Variants in RBFOX1 observed in about 807,000 individuals in gnomAD.
RBFOX1 encodes RNA binding protein fox-1 homolog 1.
In RBFOX1, 8 loss-of-function variants were observed where a neutral mutation model predicts 57.7. That is an observed-to-expected ratio of 0.14 (90% CI 0.08 to 0.25). The LOEUF is 0.25. Ranked by LOEUF, RBFOX1 falls within the 10% of genes least tolerant of loss-of-function variation. The pLI is 1.00. For synonymous variants in RBFOX1, 326 were observed against 222.4 expected, an observed-to-expected ratio of 1.47 and a Z score of -4.15; for missense variants, 611 against 548.5, an observed-to-expected ratio of 1.11 and a Z score of -1.14.
At chr16:5,777,837 T>C (rs182245972) in intron 3 of RBFOX1, among the ~76,000 whole-genome samples, 8 of 152,278 alleles carry the variant, frequency 5.3e-5, no homozygotes, top group African/African-American at 1.4e-4. Flanking sequence ...AATATGCCCT[T>C]GGTGAGAGAA....
intron 2 of RBFOX1, among the ~76,000 whole-genome samples, chr16:5,595,598 C>G (rs1026252011): frequency 1.3e-5 from 2 of 152,158 alleles, no homozygotes; most frequent in African/African-American, 4.8e-5. Flanking sequence ...CTGAATGGAT[C>G]AGGCCAGCTC....
At chr16:6,662,411 C>T (rs953451232) in intron 3 of RBFOX1, among the ~76,000 whole-genome samples, 4 of 151,912 alleles carry the variant, frequency 2.6e-5, no homozygotes, top group African/African-American at 9.7e-5. Context: ...TTTTGTTTTT[C>T]AGTTTTATCT....
intron 3 of RBFOX1, among the ~76,000 whole-genome samples, chr16:6,981,110 ACT>A (rs1291060499): frequency 6.0e-5 from 9 of 150,914 alleles, no homozygotes; most frequent in Admixed American, 4.6e-4. Flanking sequence ...AATTAAGTAA[ACT>A]CTTTTTTTAT....
chr16:6,651,492 C>T (rs10083739), intron 2 of RBFOX1, among the ~76,000 whole-genome samples: 3,324 of 152,144 alleles, frequency 0.022, 125 homozygotes, highest in African/African-American at 0.076. Context: ...CCCTGACTGC[C>T]GGTTCTGTTA....
At chr16:5,609,641 C>G (rs1047926554) in intron 3 of RBFOX1, among the ~76,000 whole-genome samples, 3 of 152,236 alleles carry the variant, frequency 2.0e-5, no homozygotes, top group Non-Finnish European at 4.4e-5. Flanking sequence ...CATCCAAACC[C>G]TCATGTACAA....
intron 3 of RBFOX1, among the ~76,000 whole-genome samples, chr16:5,646,378 G>C (rs1442865480): frequency 6.6e-6 from 1 of 151,900 alleles, no homozygotes; most frequent in Admixed American, 6.6e-5. Context: ...GACTAAAGCA[G>C]TCCTCCTACC....
chr16:6,885,094 C>T (rs1481119037), intron 3 of RBFOX1, among the ~76,000 whole-genome samples: 1 of 152,124 alleles, frequency 6.6e-6, no homozygotes, highest in African/African-American at 2.4e-5. Flanking sequence ...ACAGATCAAA[C>T]CAGGACTGCT....
intron 2 of RBFOX1, among the ~76,000 whole-genome samples, chr16:6,403,435 C>G (rs1009920929): frequency 2.6e-5 from 4 of 151,984 alleles, no homozygotes; most frequent in Admixed American, 2.6e-4. Flanking sequence ...GTGACCACCA[C>G]TCATTGCAGC....
intron 3 of RBFOX1, among the ~76,000 whole-genome samples, chr16:7,008,110 T>A (rs958962897): frequency 1.2e-4 from 19 of 152,184 alleles, no homozygotes; most frequent in African/African-American, 4.3e-4. Flanking sequence ...CTTTATTGTT[T>A]CATGTACAAG....
chr16:5,432,559 G>GTTTTTTTTTTTTTTTTTTTTTTTTTT (rs35344614), intron 1 of RBFOX1, among the ~76,000 whole-genome samples: 1 of 94,222 alleles, frequency 1.1e-5, no homozygotes, highest in Non-Finnish European at 2.0e-5. Flanking sequence ...TTGTTTGTTT[G>GTTTTTTTTTTTTTTTTTTTTTTTTTT]TTTTTTTTTT....
intron 4 of RBFOX1, among the ~76,000 whole-genome samples, chr16:7,425,439 T>C (rs557107223): frequency 2.0e-5 from 3 of 152,324 alleles, no homozygotes; most frequent in South Asian, 4.1e-4. Flanking sequence ...CTGTTCCTAC[T>C]TGAGAAATTT....
intron 3 of RBFOX1, among the ~76,000 whole-genome samples, chr16:6,919,303 C>A (rs1247383197): frequency 3.3e-5 from 5 of 152,094 alleles, no homozygotes; most frequent in African/African-American, 1.2e-4. Flanking sequence ...GGTAATGTTT[C>A]TTGACCAATT....
chr16:6,689,007 T>C (rs956811812), intron 3 of RBFOX1, among the ~76,000 whole-genome samples: 1 of 152,238 alleles, frequency 6.6e-6, no homozygotes, highest in African/African-American at 2.4e-5. Context: ...ATGGTTTATA[T>C]GTGCTGCATT....
intron 1 of RBFOX1, among the ~76,000 whole-genome samples, chr16:6,117,980 G>A (rs2096515365): frequency 6.6e-6 from 1 of 152,176 alleles, no homozygotes; most frequent in Non-Finnish European, 1.5e-5. Flanking sequence ...ATGGACATCT[G>A]TAACTTTTGA....
intron 1 of RBFOX1, among the ~76,000 whole-genome samples, chr16:5,349,870 T>C (rs1480096006): frequency 6.6e-6 from 1 of 152,134 alleles, no homozygotes; most frequent in Non-Finnish European, 1.5e-5. Flanking sequence ...GAGCAGTCTC[T>C]CTCCCTGGCC....
chr16:5,737,700 C>T (rs2052628509), intron 3 of RBFOX1, among the ~76,000 whole-genome samples: 1 of 152,030 alleles, frequency 6.6e-6, no homozygotes, highest in Non-Finnish European at 1.5e-5. Context: ...ACCCCTTCTA[C>T]AGAGCTCAAG....
At chr16:5,263,236 G>C (rs1019868033) in intron 1 of RBFOX1, among the ~76,000 whole-genome samples, 14 of 152,074 alleles carry the variant, frequency 9.2e-5, no homozygotes, top group African/African-American at 3.1e-4. Context: ...GATGACTCAG[G>C]GACAAAGTTT....
At chr16:6,566,525 T>C (rs2097268427) in intron 2 of RBFOX1, among the ~76,000 whole-genome samples, 1 of 152,224 alleles carries the variant, frequency 6.6e-6, no homozygotes, top group Non-Finnish European at 1.5e-5. Flanking sequence ...ATATCTGGTT[T>C]CAAACCATAG....
At chr16:7,457,169 G>T (rs1236899661) in intron 4 of RBFOX1, among the ~76,000 whole-genome samples, 2 of 152,124 alleles carry the variant, frequency 1.3e-5, no homozygotes, top group Non-Finnish European at 2.9e-5. Context: ...TTACAGGTGT[G>T]AGCCACCGCG....
Sources: gnomAD v4.1 joint callset for allele counts (sites outside exome capture counted in the v4.1 genomes callset) on GRCh38, gnomAD v4.1.1 for gene constraint, MANE v1.5 for transcripts, NCBI Gene and HGNC (gene_info 2026-07-23, HGNC 2026-07-21) for gene names.